Variants in USH2A observed in about 807,000 individuals in gnomAD.
The protein encoded by USH2A is usherin, also known as Usher syndrome 2A (autosomal recessive, mild).
In USH2A, 443 loss-of-function variants were observed where a neutral mutation model predicts 538.9. The ratio of observed to expected loss-of-function variants is 0.82; its 90% CI spans 0.76 to 0.89. The LOEUF (loss-of-function observed/expected upper bound fraction) is 0.89. Ranked by LOEUF, USH2A falls within the 40% of genes least tolerant of loss-of-function variation. USH2A has a pLI of 0.00. For missense variants in USH2A, 6,633 were observed against 6,324.8 expected, an observed-to-expected ratio of 1.05 and a Z score of -1.65; for synonymous variants, 2,413 against 2,273.5, an observed-to-expected ratio of 1.06 and a Z score of -1.75.
At chr1:216,414,875 G>T (rs939750352) in intron 3 of USH2A, among the ~76,000 whole-genome samples, 8 of 151,998 alleles carry the variant, frequency 5.3e-5, no homozygotes, top group Non-Finnish European at 1.0e-4. Context: ...CCTATGCCCA[G>T]CATGATAAAA....
At chr1:216,229,347 G>A (rs988085846) in intron 14 of USH2A, among the ~76,000 whole-genome samples, 7 of 150,458 alleles carry the variant, frequency 4.7e-5, no homozygotes, top group Admixed American at 2.0e-4. Context: ...ACAGGGTCTC[G>A]CTCTGTTGCC....
intron 61 of USH2A, among the ~76,000 whole-genome samples, chr1:215,682,701 C>G (rs1027607772): frequency 1.3e-5 from 2 of 151,606 alleles, no homozygotes; most frequent in Non-Finnish European, 2.9e-5. Context: ...GGGGTATACT[C>G]CTACAAAGGG....
At chr1:216,181,693 G>C (rs2034497226) in intron 20 of USH2A, among the ~76,000 whole-genome samples, 1 of 152,044 alleles carries the variant, frequency 6.6e-6, no homozygotes. Context: ...CTAATAAAAG[G>C]TAGTTGCTCA....
intron 19 of USH2A, among the ~76,000 whole-genome samples, chr1:216,191,238 C>T (rs1274775459): frequency 6.6e-6 from 1 of 151,820 alleles, no homozygotes; most frequent in African/African-American, 2.4e-5. Flanking sequence ...TTTCTTAGGG[C>T]TACTGATACA....
chr1:216,243,842 T>G (rs868560581), intron 13 of USH2A, among the ~76,000 whole-genome samples: 5 of 152,292 alleles, frequency 3.3e-5, no homozygotes, highest in African/African-American at 1.2e-4. Flanking sequence ...TACTCTTAAC[T>G]CATTGACTTC....
At chr1:216,007,545 C>A (rs1009866511) in intron 32 of USH2A, among the ~76,000 whole-genome samples, 8 of 152,140 alleles carry the variant, frequency 5.3e-5, no homozygotes, top group African/African-American at 1.7e-4. Context: ...GGGCCCTGAC[C>A]CCTGTTTTCA....
chr1:216,127,852 A>C (rs1351406990), intron 21 of USH2A, among the ~76,000 whole-genome samples: 4 of 152,194 alleles, frequency 2.6e-5, no homozygotes, highest in Admixed American at 2.6e-4. Context: ...ATAAAGCATC[A>C]GTATGGCAGA....
intron 21 of USH2A, among the ~76,000 whole-genome samples, chr1:216,115,871 C>G (rs955866230): frequency 1.3e-5 from 2 of 151,622 alleles, no homozygotes; most frequent in African/African-American, 4.8e-5. Flanking sequence ...AAAGGACTTG[C>G]TTGTTTTATA....
At chr1:216,011,470 C>T (rs535372641) in intron 32 of USH2A, among the ~76,000 whole-genome samples, 59 of 152,254 alleles carry the variant, frequency 3.9e-4, no homozygotes, top group Admixed American at 9.2e-4. Context: ...CCCTGCTGAT[C>T]GTGTCTGATT....
intron 58 of USH2A, among the ~76,000 whole-genome samples, chr1:215,758,369 A>C (rs901811869): frequency 6.6e-6 from 1 of 152,112 alleles, no homozygotes; most frequent in African/African-American, 2.4e-5. Flanking sequence ...AGCTGTATAT[A>C]CTTACATATC....
intron 14 of USH2A, among the ~76,000 whole-genome samples, chr1:216,218,273 T>C (rs979651331): frequency 5.3e-5 from 8 of 152,128 alleles, no homozygotes; most frequent in African/African-American, 1.9e-4. Flanking sequence ...CTTGTAAAAA[T>C]ACCAGTAGTG....
chr1:215,709,894 G>C (rs966961429), intron 61 of USH2A, among the ~76,000 whole-genome samples: 1 of 152,062 alleles, frequency 6.6e-6, no homozygotes, highest in Non-Finnish European at 1.5e-5. Flanking sequence ...ACTATTTCTA[G>C]GGTTGAATGA....
chr1:216,196,698 G>A lies in USH2A; in HGVS notation c.4106C>T (p.Ser1369Leu), dbSNP rs201709513. ...AGAGTACGAAGAGAGGGGAAAGACTGAAGGAGGGATCATGAATACAGGTGC... is the reference window on the plus strand; with the variant it reads ...AGAGTACGAAGAGAGGGGAAAGACTAAAGGAGGGATCATGAATACAGGTGC... Reference protein sequence around the residue: ...ESAPVFMIPPSVFPLSSYSLN... With the variant: ...ESAPVFMIPPLVFPLSSYSLN... The change falls in exon 19 of 72, where the codon TCA (serine) becomes TTA (leucine). Residue 1369 changes from serine to leucine, a missense_variant. Ser to Leu is a moderately radical substitution (Grantham distance 145, BLOSUM62 -2). Coordinates refer to ENST00000307340, the MANE Select transcript of USH2A (RefSeq NM_206933.4). 475 of 1,613,146 alleles carry A rather than the reference G, an allele frequency of 2.9e-4. No homozygotes were observed. The highest frequency in any genetic ancestry group is 3.5e-4 in the Non-Finnish European group (418 of 1,179,554).
chr1:216,097,268 T>C, intron 21 of USH2A, 55 bp from the exon 22 acceptor site: 1 of 1,613,310 alleles, frequency 6.2e-7, no homozygotes. Context: ...TGATTCTTTC[T>C]GATAAATGTA....
chr1:215,925,406 A>G (rs1162542680), intron 38 of USH2A, among the ~76,000 whole-genome samples: 1 of 152,198 alleles, frequency 6.6e-6, no homozygotes, highest in African/African-American at 2.4e-5. Flanking sequence ...GGGAAAAAAT[A>G]GCAGCACATT....
intron 49 of USH2A, among the ~76,000 whole-genome samples, chr1:215,811,724 T>G (rs570449773): frequency 2.6e-5 from 4 of 151,808 alleles, no homozygotes; most frequent in Admixed American, 6.6e-5. Flanking sequence ...CTGACCAACA[T>G]GGAGAAAGCC....
intron 71 of USH2A, among the ~76,000 whole-genome samples, chr1:215,626,244 T>C (rs1242604697): frequency 1.3e-5 from 2 of 149,980 alleles, no homozygotes; most frequent in African/African-American, 4.9e-5. Flanking sequence ...AGTATATATA[T>C]ACACACTATA....
At chr1:215,810,426 T>C (rs17623088) in intron 49 of USH2A, among the ~76,000 whole-genome samples, 56,887 of 152,036 alleles carry the variant, frequency 0.37, 11,344 homozygotes, top group Admixed American at 0.52. Flanking sequence ...GCCAGTCTCC[T>C]GAGTTAGCAG....
chr1:216,403,634 T>A (rs2039344001), intron 3 of USH2A, among the ~76,000 whole-genome samples: 1 of 152,148 alleles, frequency 6.6e-6, no homozygotes, highest in South Asian at 2.1e-4. Context: ...ACAATAATCA[T>A]GCAGAAGCCA....
Sources: gnomAD v4.1 joint callset for allele counts (sites outside exome capture counted in the v4.1 genomes callset) on GRCh38, gnomAD v4.1.1 for gene constraint, MANE v1.5 for transcripts, NCBI Gene and HGNC (gene_info 2026-07-23, HGNC 2026-07-21) for gene names.